SLC39A12: variants seen among roughly 807,000 people sequenced by gnomAD.
The protein encoded by SLC39A12 is solute carrier family 39 member 12.
In SLC39A12, 63 loss-of-function variants were observed where a neutral mutation model predicts 71.1. The ratio of observed to expected loss-of-function variants is 0.89; its 90% CI spans 0.72 to 1.09. The LOEUF (loss-of-function observed/expected upper bound fraction) is 1.09, where lower values mean the gene tolerates loss of function less well. Among genes scored for constraint, SLC39A12 ranks in the 50% least tolerant of loss-of-function variants. The pLI is 0.00. For missense variants in SLC39A12, 892 were observed against 812.6 expected (o/e 1.10, Z -1.19); for synonymous variants, 351 against 301.3 (o/e 1.16, Z -1.71).
chr10:17,977,910 C>T lies in SLC39A12; in HGVS notation c.760C>T (p.Gln254Ter). ...TTATATGAAATTTCTAGAACTAGAC[C>T]AACTCCTCAACACTCTCTGGACCAG... Reference protein sequence around the residue: ...TNTLRLSELDQLLNTLWTRST... With the variant: ...TNTLRLSELD The change falls in exon 5 of 13, where the codon CAA becomes TAA. Residue 254 changes from glutamine to a stop codon, truncating the protein, a stop_gained. Transcript: ENST00000377369. LOFTEE classifies it high-confidence loss of function. 6.3e-7 allele frequency: 1 copy of T among 1,583,300 alleles called. No homozygotes were observed. Among genetic ancestry groups the T allele is most frequent in the Non-Finnish European group, 8.6e-7 (1 of 1,169,252 alleles).
At chr10:17,976,478 C>T (rs752059572) in intron 4 of SLC39A12, among the ~76,000 whole-genome samples, 8 of 152,240 alleles carry the variant, frequency 5.3e-5, no homozygotes, top group African/African-American at 1.2e-4. Context: ...AGTGCAGTGG[C>T]GCCATCTCAG....
At chr10:17,980,227 C>T (rs1264846810) in intron 5 of SLC39A12, among the ~76,000 whole-genome samples, 1 of 152,004 alleles carries the variant, frequency 6.6e-6, no homozygotes, top group Non-Finnish European at 1.5e-5. Flanking sequence ...ATTTCCTGAT[C>T]AAGATAAAAC....
chr10:18,028,161 C>T (rs867897439), intron 12 of SLC39A12, among the ~76,000 whole-genome samples: 1 of 152,136 alleles, frequency 6.6e-6, no homozygotes, highest in Non-Finnish European at 1.5e-5. Flanking sequence ...TTCATAATGC[C>T]AAAAGCTATG....
intron 4 of SLC39A12, among the ~76,000 whole-genome samples, chr10:17,968,797 G>A (rs1440056632): frequency 1.3e-5 from 2 of 152,088 alleles, no homozygotes; most frequent in Non-Finnish European, 2.9e-5. Flanking sequence ...GTTACCAACA[G>A]TCCAATTATA....
At position 18,030,894 on chromosome 10, in the gene SLC39A12, G is replaced by A. The variant is rs1354195043; in HGVS notation, c.1948-11811G>A. 9.5e-5 allele frequency among the ~76,000 whole-genome samples: 14 copies of A among 147,790 alleles called. No homozygotes were observed. The East Asian group carries it at 1.6e-3, about 17-fold the overall frequency. The stretch of plus-strand genomic sequence containing the variant: ...TTCCCACCTATGAGTGAGAATATGC[G>A]GTGTTTGGTTTTTTGTTCTTGCGAT... On this transcript the variant is annotated intron_variant, in intron 12 of 12. Coordinates refer to ENST00000377369, the MANE Select transcript of SLC39A12 (RefSeq NM_001145195.2).
chr10:18,015,707 A>T (rs1179546806), intron 12 of SLC39A12, among the ~76,000 whole-genome samples: 1 of 152,148 alleles, frequency 6.6e-6, no homozygotes, highest in Non-Finnish European at 1.5e-5. Context: ...ATGAACCATA[A>T]TCATGATGAT....
chr10:18,016,511 G>A (rs1836389022), intron 12 of SLC39A12, among the ~76,000 whole-genome samples: 1 of 152,186 alleles, frequency 6.6e-6, no homozygotes. Context: ...AAATACACTT[G>A]AGCAGGTTTT....
chr10:17,990,466 T>C (rs754040511), intron 7 of SLC39A12, among the ~76,000 whole-genome samples: 6 of 152,168 alleles, frequency 3.9e-5, no homozygotes, highest in Non-Finnish European at 5.9e-5. Flanking sequence ...ACTTCATAAA[T>C]TGCCTTCTCT....
At chr10:17,973,133 CTTAA>C (rs923877017) in intron 4 of SLC39A12, among the ~76,000 whole-genome samples, 8 of 152,006 alleles carry the variant, frequency 5.3e-5, no homozygotes, top group African/African-American at 1.9e-4. Flanking sequence ...AACTTTGTGC[CTTAA>C]TTGTGTCCCC....
chr10:17,973,965 A>T (rs181101899), intron 4 of SLC39A12, among the ~76,000 whole-genome samples: 3 of 149,818 alleles, frequency 2.0e-5, no homozygotes, highest in African/African-American at 4.9e-5. Context: ...AAGCTTACTA[A>T]TTTTTTCTTC....
intron 12 of SLC39A12, among the ~76,000 whole-genome samples, chr10:18,018,784 C>T (rs1042033162): frequency 6.6e-6 from 1 of 152,056 alleles, no homozygotes; most frequent in African/African-American, 2.4e-5. Flanking sequence ...TTTGCCAATA[C>T]TTTGTTCAGC....
chr10:18,002,456 A>G (rs1564653173), intron 11 of SLC39A12: 1 of 152,342 alleles, frequency 6.6e-6, no homozygotes, highest in East Asian at 1.9e-4. Context: ...GCCACAGGGC[A>G]GTGTGACCGT....
chr10:17,974,887 G>A (rs1333160492), intron 4 of SLC39A12, among the ~76,000 whole-genome samples: 2 of 152,106 alleles, frequency 1.3e-5, no homozygotes, highest in Non-Finnish European at 2.9e-5. Context: ...GTCCAGAGGT[G>A]CCATACAGGA....
chr10:18,004,873 A>G (rs1401018282), intron 12 of SLC39A12, among the ~76,000 whole-genome samples: 1 of 152,170 alleles, frequency 6.6e-6, no homozygotes, highest in Non-Finnish European at 1.5e-5. Flanking sequence ...ATACATATGC[A>G]CCGTGGAATA....
Position 17,953,241 on chromosome 10 carries a change from C to T in SLC39A12, c.-36C>T, listed in dbSNP as rs185047008. The stretch of plus-strand genomic sequence containing the variant: ...CCATAAACGGCAACACACTCACCTC[C>T]ATCCAAGACAGACTCAAGGTGGAGG... On this transcript the variant is annotated 5_prime_UTR_variant, in exon 2 of 13. Transcript: ENST00000377369. 6.9e-6 allele frequency: 11 copies of T among 1,598,672 alleles called. No homozygotes were observed. In the African/African-American group the frequency reaches 1.3e-4, roughly 19 times the overall value.
intron 12 of SLC39A12, among the ~76,000 whole-genome samples, chr10:18,027,810 T>C (rs553884133): frequency 3.6e-4 from 55 of 152,364 alleles, no homozygotes; most frequent in African/African-American, 1.3e-3. Flanking sequence ...ATTGCTCATT[T>C]GTAAGCCAAA....
At chr10:18,007,988 C>T (rs1836080365) in intron 12 of SLC39A12, among the ~76,000 whole-genome samples, 1 of 152,196 alleles carries the variant, frequency 6.6e-6, no homozygotes, top group Non-Finnish European at 1.5e-5. Flanking sequence ...GTTCACATGC[C>T]TCTGACATAA....
chr10:18,007,459 T>A (rs907107807), intron 12 of SLC39A12, among the ~76,000 whole-genome samples: 24 of 151,872 alleles, frequency 1.6e-4, no homozygotes, highest in African/African-American at 5.8e-4. Flanking sequence ...AGGAAAGGAG[T>A]CCTAATCCAG....
intron 4 of SLC39A12, among the ~76,000 whole-genome samples, chr10:17,969,074 A>G (rs1011141559): frequency 6.6e-6 from 1 of 152,214 alleles, no homozygotes; most frequent in Non-Finnish European, 1.5e-5. Flanking sequence ...ATTTCACTTA[A>G]CATAGTGTTT....
Sources: allele counts gnomAD v4.1 joint callset (sites outside exome capture counted in the v4.1 genomes callset), GRCh38; gene constraint gnomAD v4.1.1; transcripts MANE v1.5; gene names NCBI Gene and HGNC (gene_info 2026-07-23, HGNC 2026-07-21).